Variants in UROS observed in about 807,000 individuals in gnomAD.
UROS encodes the protein uroporphyrinogen III synthase, also known as uroporphyrinogen-III synthase.
In UROS, 18 loss-of-function variants were observed where a neutral mutation model predicts 33.0. The ratio of observed to expected loss-of-function variants is 0.55; its 90% confidence interval spans 0.38 to 0.81. The LOEUF (loss-of-function observed/expected upper bound fraction) is 0.81. UROS is among the 30% of genes least tolerant of loss of function. The probability of loss-of-function intolerance (pLI) is 0.00; values close to 1 mark genes in which losing one functional copy is unlikely to be tolerated. For missense variants in UROS, 293 were observed against 314.9 expected, an observed-to-expected ratio of 0.93 and a Z score of 0.53; for synonymous variants, 114 against 121.1, an observed-to-expected ratio of 0.94 and a Z score of 0.38.
chr10:125,796,299 G>C, intron 7 of UROS, 111 bp from the exon 8 acceptor site: 11 of 1,082,926 alleles, frequency 1.0e-5, no homozygotes, highest in Non-Finnish European at 1.3e-5. Context: ...CACCCTCCTG[G>C]AACGAGCTGC....
chr10:125,790,563 C>T (rs1455675425), intron 9 of UROS, among the ~76,000 whole-genome samples: 33 of 152,102 alleles, frequency 2.2e-4, no homozygotes, highest in Admixed American at 2.1e-3. Flanking sequence ...AATCCCAGTA[C>T]TTTGGGAGGC....
intron 4 of UROS, 76 bp downstream of exon 4, chr10:125,814,958 C>G: frequency 6.6e-7 from 1 of 1,520,118 alleles, no homozygotes; most frequent in African/African-American, 1.4e-5. Context: ...GCAGCTGCTT[C>G]TGGAATTTAG....
chr10:125,790,672 A>T (rs1386188738), intron 9 of UROS, among the ~76,000 whole-genome samples: 2 of 149,068 alleles, frequency 1.3e-5, no homozygotes, highest in Admixed American at 6.7e-5. Flanking sequence ...AATCCCAGCT[A>T]CTTGGGAGGC....
chr10:125,787,560 C>G (rs1276691648), downstream of UROS, among the ~76,000 whole-genome samples: 1 of 152,128 alleles, frequency 6.6e-6, no homozygotes, highest in Non-Finnish European at 1.5e-5. Context: ...AGGGGACTCT[C>G]TGGGGGTGGG....
chr10:125,800,185 T>C (rs1851712131), intron 6 of UROS, among the ~76,000 whole-genome samples: 1 of 152,168 alleles, frequency 6.6e-6, no homozygotes, highest in South Asian at 2.1e-4. Flanking sequence ...CCTAGGCAGA[T>C]AGGGAAGGGT....
At chr10:125,804,441 CA>C (rs1368090785) in intron 6 of UROS, among the ~76,000 whole-genome samples, 1 of 152,170 alleles carries the variant, frequency 6.6e-6, no homozygotes, top group African/African-American at 2.4e-5. Context: ...TTATAAAAAT[CA>C]GTACACATAA....
chr10:125,798,935 C>T (rs1851584884), intron 6 of UROS, among the ~76,000 whole-genome samples: 2 of 152,198 alleles, frequency 1.3e-5, no homozygotes, highest in Admixed American at 1.3e-4. Context: ...TGTGAAAACA[C>T]AGCATTTTAG....
At chr10:125,791,787 C>G (rs1285951859) in intron 9 of UROS, 1 of 152,056 alleles carries the variant, frequency 6.6e-6, no homozygotes, top group Non-Finnish European at 1.5e-5. Context: ...AGATGAAAAA[C>G]AGTTGAGTGG....
chr10:125,798,157 T>C lies in UROS; in HGVS notation c.395-12A>G, dbSNP rs1016957624. 1 of 1,613,374 alleles carries C rather than the reference T, an allele frequency of 6.2e-7. No individual in the cohort carries two copies. The highest frequency in any genetic ancestry group is 8.5e-7 in the Non-Finnish European group (1 of 1,179,458). ...TGCTGAGGACTCCCCTGTGAATAAATAACCAGGCTTTGTGAAAACTCAGGG... is the reference window on the plus strand; with the variant it reads ...TGCTGAGGACTCCCCTGTGAATAAACAACCAGGCTTTGTGAAAACTCAGGG... On this transcript the variant is annotated splice_polypyrimidine_tract_variant and intron_variant, in intron 6 of 9. Coordinates refer to ENST00000368797, the MANE Select transcript of UROS (RefSeq NM_000375.3).
chr10:125,794,329 G>A (rs1392955279), intron 9 of UROS: 1 of 991,596 alleles, frequency 1.0e-6, no homozygotes, highest in Non-Finnish European at 1.2e-6. Flanking sequence ...CTGTCCTTGG[G>A]CTCTGGGTCA....
intron 4 of UROS, among the ~76,000 whole-genome samples, chr10:125,814,128 C>T (rs146424182): frequency 1.4e-4 from 22 of 152,322 alleles, no homozygotes; most frequent in Middle Eastern, 3.4e-3. Flanking sequence ...GACAGAGTCT[C>T]GCACAGAGTG....
downstream of UROS, among the ~76,000 whole-genome samples, chr10:125,786,789 C>G (rs1056060762): frequency 6.6e-6 from 1 of 152,160 alleles, no homozygotes; most frequent in Admixed American, 6.5e-5. Context: ...GTGTGACATC[C>G]CTGGGCTTCA....
downstream of UROS, chr10:125,785,244 A>G (rs927684145): frequency 6.6e-6 from 1 of 152,192 alleles, no homozygotes; most frequent in Admixed American, 6.5e-5. Context: ...TGCCCACTGG[A>G]GCTCCAGCTC....
Position 125,810,636 on chromosome 10 carries a change from T to C in UROS, c.319+1578A>G, listed in dbSNP as rs146443640. ...TTTGTTACGCAGCAAAGATAATACA[T>C]TGGGCCTGGTCTCCTCCCAGCTGTT... On this transcript the variant is annotated intron_variant, in intron 5 of 9. Coordinates refer to ENST00000368797, the MANE Select transcript of UROS (RefSeq NM_000375.3). 1.3e-3 allele frequency among the ~76,000 whole-genome samples: 193 copies of C among 152,298 alleles called. 1 individual carries two copies. The East Asian group carries it at 0.03, about 23-fold the overall frequency.
chr10:125,807,933 A>G (rs1852475871), intron 5 of UROS, among the ~76,000 whole-genome samples: 2 of 152,130 alleles, frequency 1.3e-5, no homozygotes, highest in South Asian at 4.1e-4. Flanking sequence ...TTTTGGGAGG[A>G]TGTGGCCAGA....
intron 7 of UROS, among the ~76,000 whole-genome samples, chr10:125,797,226 T>C (rs542405481): frequency 6.6e-6 from 1 of 152,296 alleles, no homozygotes; most frequent in East Asian, 1.9e-4. Context: ...ATGTGGACTA[T>C]TAGAGCTTCA....
At chr10:125,818,937 G>A (rs1183631397) in intron 1 of UROS, among the ~76,000 whole-genome samples, 1 of 152,204 alleles carries the variant, frequency 6.6e-6, no homozygotes, top group Admixed American at 6.5e-5. Context: ...CAAGTTGCCT[G>A]CTTAGGTCTC....
downstream of UROS, chr10:125,788,443 T>C (rs1850695932): frequency 6.0e-6 from 4 of 669,324 alleles, no homozygotes; most frequent in Non-Finnish European, 7.5e-6. Context: ...GTCCTTTTTA[T>C]AGAATGAATA....
chr10:125,817,224 A>ATT (rs11431196), intron 1 of UROS, among the ~76,000 whole-genome samples: 48,726 of 73,894 alleles, frequency 0.66, 19,290 homozygotes, highest in Non-Finnish European at 0.79. Context: ...TTATAGATGT[A>ATT]TTTTTTTTTT....
Sources: allele counts gnomAD v4.1 joint callset (sites outside exome capture counted in the v4.1 genomes callset), GRCh38; gene constraint gnomAD v4.1.1; transcripts MANE v1.5; gene names NCBI Gene and HGNC (gene_info 2026-07-23, HGNC 2026-07-21).